Variants in WDR18 observed in about 807,000 individuals in gnomAD.
The protein encoded by WDR18 is WD repeat domain 18.
Under a neutral mutation model 49.6 loss-of-function variants are expected in WDR18, and 33 were observed. The ratio of observed to expected loss-of-function variants is 0.67; its 90% CI spans 0.50 to 0.89. The LOEUF (loss-of-function observed/expected upper bound fraction) is 0.89. Ranked by LOEUF, WDR18 falls within the 40% of genes least tolerant of loss-of-function variation. The pLI, the probability that WDR18 is intolerant of heterozygous loss-of-function variation, is 0.00. For synonymous variants in WDR18, 315 were observed against 263.6 expected, an observed-to-expected ratio of 1.19 and a Z score of -1.89; for missense variants, 653 against 593.6, an observed-to-expected ratio of 1.10 and a Z score of -1.04.
intron 2 of WDR18, among the ~76,000 whole-genome samples, chr19:989,063 A>G (rs1183931095): frequency 6.5e-5 from 4 of 61,566 alleles, no homozygotes; most frequent in Non-Finnish European, 3.1e-5. Flanking sequence ...AACCCCCACC[A>G]GAGCTTCTCA....
Position 985,815 on chromosome 19 carries a change from T to G in WDR18, c.211-50T>G, listed in dbSNP as rs2074573. On this transcript the variant is annotated intron_variant, in intron 1 of 9. Coordinates refer to ENST00000585809, the MANE Select transcript of WDR18 (RefSeq NM_024100.4). ...CTCCCCTCGCCCTCCACTGCTGTAG[T>G]AGCTCCCGTGTCCTGCATGGGGCTC... The G allele has an allele frequency of 0.5, 791,902 of 1,581,116 alleles. 202,405 individuals are homozygous for G. Among genetic ancestry groups the G allele is most frequent in the Non-Finnish European group, 0.53 (613,042 of 1,151,876 alleles).
rs2145518882 is a variant in WDR18 at position 994,391 on chromosome 19, T to G, written c.*47T>G. On this transcript the variant is annotated 3_prime_UTR_variant, in exon 10 of 10. Coordinates refer to ENST00000585809, the MANE Select transcript of WDR18 (RefSeq NM_024100.4). ...GGCGCCCAGGCCTGAGCCCCATGCC[T>G]CCCAGCAACCAGGGCCCGCGGGTGT... is the stretch of plus-strand genomic sequence containing the variant. 6.4e-7 allele frequency: 1 copy of G among 1,566,974 alleles called. No homozygotes were observed. The highest frequency in any genetic ancestry group is 8.6e-7 in the Non-Finnish European group (1 of 1,158,934).
chr19:993,865 TGAA>T (rs2038593665), intron 8 of WDR18, 152 bp from the exon 9 acceptor site: 6 of 812,034 alleles, frequency 7.4e-6, no homozygotes, highest in Non-Finnish European at 1.2e-5. Context: ...TCGACGGAGG[TGAA>T]CGCCCCCGTC....
At chr19:989,694 G>A in intron 2 of WDR18, 68 bp from the exon 3 acceptor site, 1 of 1,593,578 alleles carries the variant, frequency 6.3e-7, no homozygotes, top group South Asian at 1.1e-5. Flanking sequence ...GGGTTCCTGG[G>A]GCTGCAGCCC....
At position 984,380 on chromosome 19, in the gene WDR18, G is replaced by C. The variant is rs1474743124; in HGVS notation, c.27G>C (p.Val9=). 3 of 1,598,038 alleles carry C rather than the reference G, an allele frequency of 1.9e-6. No homozygotes were observed. The highest frequency in any genetic ancestry group is 1.7e-6 in the Non-Finnish European group (2 of 1,174,334). Reference sequence around the variant, plus strand: ...TGGCGGCGCCCATGGAGGTGGCCGTGTGTACGGACTCGGCGGCCCCGATGT... The same window carrying C: ...TGGCGGCGCCCATGGAGGTGGCCGTCTGTACGGACTCGGCGGCCCCGATGT... MAAPMEVA[V]CTDSAAPMWS... is the part of the protein sequence containing the mutation. The change falls in exon 1 of 10, where the codon GTG becomes GTC. Residue 9 remains valine, a synonymous_variant. Transcript: ENST00000585809.
At position 984,417 on chromosome 19, in the gene WDR18, G is replaced by T. The variant is rs1396285333; in HGVS notation, c.64G>T (p.Val22Leu). ...GGCGGCCCCGATGTGGAGCTGCATC[G>T]TGTGGGAACTTCACTCGGGCGCCAA... ...DSAAPMWSCI[V>L]WELHSGANLL... Residue 22 changes from valine to leucine, a missense_variant, in exon 1 of 10, where the codon GTG (valine) becomes TTG (leucine). By Grantham distance (32) the Val-to-Leu change is conservative (BLOSUM62 1). Transcript: ENST00000585809. 2 of 1,605,120 alleles carry T rather than the reference G, an allele frequency of 1.2e-6. No homozygotes were observed. Among genetic ancestry groups the T allele is most frequent in the Admixed American group, 3.4e-5 (2 of 59,454 alleles).
chr19:992,097 T>C lies in WDR18; in HGVS notation c.1074T>C (p.Thr358=), dbSNP rs766551905. 1 of 1,521,236 alleles carries C rather than the reference T, an allele frequency of 6.6e-7. No homozygotes were observed. The highest frequency in any genetic ancestry group is 2.6e-5 in the East Asian group (1 of 39,152). The allele number at this position is 1,521,236 out of a possible 1,614,324, so 94.2% of individuals were successfully genotyped here. A position where few individuals can be genotyped will look rare whatever the true frequency, so the allele number is the denominator to read the frequency against. The change falls in exon 8 of 10, where the codon ACT becomes ACC. Residue 358 remains threonine, a synonymous_variant. Coordinates refer to ENST00000585809, the MANE Select transcript of WDR18 (RefSeq NM_024100.4). ...ACGAGCCGCGCCACGGGGGCCTCAC[T>C]CTGCGCCTGGGCCTCCACCAGCAGG... ...HGDEPRHGGL[T]LRLGLHQQGS...
At chr19:992,216 C>CCCCTTGGTCCT in intron 8 of WDR18, 95 bp downstream of exon 8, 1 of 1,351,128 alleles carries the variant, frequency 7.4e-7, no homozygotes, top group Non-Finnish European at 9.5e-7. Context: ...GGCGCCCGTG[C>CCCCTTGGTCCT]GGCGGTTCCC....
intron 2 of WDR18, among the ~76,000 whole-genome samples, chr19:988,067 T>C (rs2038495452): frequency 1.3e-5 from 2 of 151,974 alleles, no homozygotes; most frequent in South Asian, 4.2e-4. Flanking sequence ...TGGTCTCAGG[T>C]GATCCGCCCT....
In WDR18 at chr19:994,517, A is replaced by G; in HGVS notation, c.*173A>G. On this transcript the variant is annotated 3_prime_UTR_variant, in exon 10 of 10. Coordinates refer to ENST00000585809, the MANE Select transcript of WDR18 (RefSeq NM_024100.4). Reference sequence around the variant, plus strand: ...CTTGGTGTCTCGTGGCACGCGTCACAGTGGTGCTAGTCTGTTTTTAACAAA... The same window carrying G: ...CTTGGTGTCTCGTGGCACGCGTCACGGTGGTGCTAGTCTGTTTTTAACAAA... The G allele has an allele frequency of 6.7e-6, 6 of 899,874 alleles. No homozygotes were observed. Among genetic ancestry groups the G allele is most frequent in the East Asian group, 2.7e-5 (1 of 37,074 alleles). 55.7% of individuals were successfully genotyped at this position (899,874 alleles called of 1,614,324 possible). A position where few individuals can be genotyped will look rare whatever the true frequency, so the allele number is the denominator to read the frequency against.
chr19:987,783 CT>C (rs1322864563), intron 2 of WDR18, among the ~76,000 whole-genome samples: 1 of 148,822 alleles, frequency 6.7e-6, no homozygotes, highest in Non-Finnish European at 1.5e-5. Context: ...GGACAGTGTG[CT>C]GGGTGGCACC....
chr19:984,711 G>A (rs564232009), intron 1 of WDR18, 148 bp downstream of exon 1: 4 of 915,534 alleles, frequency 4.4e-6, no homozygotes, highest in Middle Eastern at 3.5e-4. Context: ...GCATGCGCGG[G>A]TCTGGGGGCT....
chr19:992,463 A>C (rs1343651437), intron 8 of WDR18, among the ~76,000 whole-genome samples: 1 of 152,248 alleles, frequency 6.6e-6, no homozygotes, highest in East Asian at 1.9e-4. Context: ...GTGAGAGCCA[A>C]AAGGTTCACG....
At position 991,364 on chromosome 19, in the gene WDR18, C is replaced by G. The variant is rs761267170; in HGVS notation, c.931+13C>G. On this transcript the variant is annotated intron_variant, in intron 7 of 9. Transcript: ENST00000585809. Reference sequence around the variant, plus strand: ...GTGGCCCTCAAAGGTGGGCGCGCCTCTGCTCGGCCCGCGGCCAGCGCGCAG... The same window carrying G: ...GTGGCCCTCAAAGGTGGGCGCGCCTGTGCTCGGCCCGCGGCCAGCGCGCAG... The G allele has an allele frequency of 2.5e-5, 39 of 1,536,450 alleles. No individual in the cohort carries two copies. The highest frequency in any genetic ancestry group is 1.8e-4 in the African/African-American group (13 of 71,464).
Position 990,245 on chromosome 19 carries a change from A to G in WDR18, c.478A>G (p.Arg160Gly). Residue 160 changes from arginine to glycine, a missense_variant, in exon 4 of 10, where the codon AGG (arginine) becomes GGG (glycine). By Grantham distance (125) the Arg-to-Gly change is moderately radical. Coordinates refer to ENST00000585809, the MANE Select transcript of WDR18 (RefSeq NM_024100.4). The stretch of plus-strand genomic sequence containing the variant: ...CAGCGTGCTGCAGGCCGACCCCTCC[A>G]GGATTCCGGCGCCCAGGCACGTCTG... Reference protein sequence around the residue: ...LCSVLQADPSRIPAPRHVWSH... With the variant: ...LCSVLQADPSGIPAPRHVWSH... The G allele has an allele frequency of 6.3e-7, 1 of 1,598,466 alleles. No individual in the cohort carries two copies. Among genetic ancestry groups the G allele is most frequent in the Non-Finnish European group, 8.5e-7 (1 of 1,179,170 alleles).
At chr19:994,151 A>C (rs1255419760) in intron 9 of WDR18, 62 bp from the exon 10 acceptor site, 5 of 1,549,480 alleles carry the variant, frequency 3.2e-6, no homozygotes, top group Non-Finnish European at 3.5e-6. Flanking sequence ...AGTGGGGGTG[A>C]GTGGCCCCCC....
At chr19:990,405 C>A in intron 4 of WDR18, 41 bp downstream of exon 4, 2 of 1,479,572 alleles carry the variant, frequency 1.4e-6, no homozygotes, top group Non-Finnish European at 1.8e-6. Context: ...GAGCGGAGCC[C>A]AGCAGCCGCA....
At chr19:983,227 T>C (rs1325923038), upstream of WDR18, among the ~76,000 whole-genome samples, 1 of 152,116 alleles carries the variant, frequency 6.6e-6, no homozygotes. Context: ...AGCCCAGGTG[T>C]TGGAGACCAG....
chr19:994,355 C>T lies in WDR18; in HGVS notation c.*11C>T, dbSNP rs762433271. 3 of 1,604,278 alleles carry T rather than the reference C, an allele frequency of 1.9e-6. No individual in the cohort carries two copies. In the South Asian group the frequency reaches 3.3e-5, roughly 18 times the overall value. The stretch of plus-strand genomic sequence containing the variant: ...CGGCCGGCCAAGTGAGGCCCGGAGA[C>T]CCCGGCCCGAGGCGCCCAGGCCTGA... On this transcript the variant is annotated 3_prime_UTR_variant, in exon 10 of 10. Transcript: ENST00000585809.
Sources: allele counts gnomAD v4.1 joint callset (sites outside exome capture counted in the v4.1 genomes callset), GRCh38; gene constraint gnomAD v4.1.1; transcripts MANE v1.5; gene names NCBI Gene and HGNC (gene_info 2026-07-23, HGNC 2026-07-21).